RUFY2: variants seen among roughly 807,000 people sequenced by gnomAD.
RUFY2 encodes the protein RUN and FYVE domain-containing protein 2.
In RUFY2, 49 loss-of-function variants were observed where a neutral mutation model predicts 94.4. The observed-to-expected ratio is 0.52, with a 90% CI of 0.41 to 0.66. The LOEUF is 0.66. Among genes scored for constraint, RUFY2 ranks in the 30% least tolerant of loss-of-function variants. The probability of loss-of-function intolerance (pLI) is 0.00; values close to 1 mark genes in which losing one functional copy is unlikely to be tolerated. For synonymous variants in RUFY2, 255 were observed against 235.7 expected (o/e 1.08, Z -0.75); for missense variants, 541 against 692.8 (o/e 0.78, Z 2.46).
intron 15 of RUFY2, among the ~76,000 whole-genome samples, chr10:68,358,716 G>A (rs544135150): frequency 6.6e-6 from 1 of 152,216 alleles, no homozygotes; most frequent in Admixed American, 6.5e-5. Context: ...TTCGAGACCA[G>A]CCTAGCCAAC....
At chr10:68,358,124 G>T (rs2047184215) in intron 15 of RUFY2, among the ~76,000 whole-genome samples, 1 of 152,144 alleles carries the variant, frequency 6.6e-6, no homozygotes, top group Non-Finnish European at 1.5e-5. Context: ...GAAGGCATAG[G>T]TTGCAATGAG....
intron 7 of RUFY2, among the ~76,000 whole-genome samples, chr10:68,392,234 T>C (rs1008138935): frequency 2.6e-5 from 4 of 151,986 alleles, no homozygotes; most frequent in African/African-American, 4.8e-5. Flanking sequence ...GGTTTCACCA[T>C]ACTGGGCAGG....
At position 68,379,463 on chromosome 10, in the gene RUFY2, G is replaced by A. The variant is rs1389286686; in HGVS notation, c.1166C>T (p.Thr389Ile). ...NEIIARLEEKTNKITAAMRQL... is the reference protein window; with the variant it reads ...NEIIARLEEKINKITAAMRQL... ...CCTCATGGCTGCAGTAATTTTATTG[G>A]TTTTTTCTTCTAGTCGGGCAATTAT... The change falls in exon 12 of 18, where the codon ACC (threonine) becomes ATC (isoleucine). Residue 389 changes from threonine (T) to isoleucine (I), a missense_variant. Around this residue, in one of 3 missense-constraint regions of RUFY2, gnomAD observed 403 missense variants for 480.7 expected, o/e 0.84. Coordinates refer to ENST00000602465, the MANE Select transcript of RUFY2 (RefSeq NM_001330103.2). The A allele has an allele frequency of 6.2e-7, 1 of 1,612,400 alleles. No individual in the cohort carries two copies. The highest frequency in any genetic ancestry group is 1.3e-5 in the African/African-American group (1 of 74,818).
intron 13 of RUFY2, 141 bp downstream of exon 13, chr10:68,376,712 T>A (rs993819427): frequency 1.4e-6 from 1 of 705,616 alleles, no homozygotes; most frequent in Non-Finnish European, 2.4e-6. Flanking sequence ...ATTTTCTAAA[T>A]TTTTTTGTTT....
intron 4 of RUFY2, among the ~76,000 whole-genome samples, chr10:68,394,871 C>T (rs1043736956): frequency 7.9e-5 from 12 of 151,752 alleles, no homozygotes; most frequent in African/African-American, 9.7e-5. Flanking sequence ...CCTCATGGTC[C>T]GCGGGCCTCA....
In RUFY2 at chr10:68,355,376, T is replaced by C; in HGVS notation, c.1576A>G (p.Lys526Glu). The C allele has an allele frequency of 1.2e-6, 2 of 1,611,774 alleles. No homozygotes were observed. ...SESKLKIEDI[K>E]EANKALQGLV... is the part of the protein sequence containing the mutation. Reference sequence around the variant, plus strand: ...ACCTGCAATGCTTTGTTGGCTTCTTTTATGTCTTCAATTTTAAGTTTTGAT... The same window carrying C: ...ACCTGCAATGCTTTGTTGGCTTCTTCTATGTCTTCAATTTTAAGTTTTGAT... The change falls in exon 16 of 18, where the codon AAA becomes GAA. Residue 526 changes from lysine (K) to glutamate (E), a missense_variant. This residue lies in a region of RUFY2 where 403 missense variants were observed against 480.7 expected (regional missense o/e 0.84). Transcript: ENST00000602465.
Position 68,345,631 on chromosome 10 carries a change from G to T in RUFY2, c.*137C>A. On this transcript the variant is annotated 3_prime_UTR_variant, in exon 18 of 18. Coordinates refer to ENST00000602465, the MANE Select transcript of RUFY2 (RefSeq NM_001330103.2). ...AATATATAACTTGTAATTTCCATGA[G>T]CTGAATATGTAGAAGATAAACTGGT... 1.5e-6 allele frequency: 1 copy of T among 665,332 alleles called. No homozygotes were observed. The highest frequency in any genetic ancestry group is 2.5e-6 in the Non-Finnish European group (1 of 395,660). 41.2% of individuals were successfully genotyped at this position (665,332 alleles called of 1,614,324 possible). A position where few individuals can be genotyped will look rare whatever the true frequency, so the allele number is the denominator to read the frequency against.
At chr10:68,405,829 AC>A in intron 1 of RUFY2, 1 of 398,924 alleles carries the variant, frequency 2.5e-6, no homozygotes, top group Non-Finnish European at 3.4e-6. Context: ...ACCCATCCAC[AC>A]AGTTGAGGAT....
intron 15 of RUFY2, 100 bp from the exon 16 acceptor site, chr10:68,355,501 A>C (rs2046982726): frequency 1.5e-6 from 1 of 674,868 alleles, no homozygotes; most frequent in Non-Finnish European, 2.5e-6. Context: ...ATATAAAATT[A>C]TGTATAGTAT....
intron 13 of RUFY2, 40 bp downstream of exon 13, chr10:68,376,813 T>C (rs1413889665): frequency 1.3e-6 from 2 of 1,584,590 alleles, no homozygotes; most frequent in Non-Finnish European, 1.7e-6. Context: ...GAGGGGGTTA[T>C]GTTAACACAA....
chr10:68,380,103 C>T (rs944269615), intron 11 of RUFY2, among the ~76,000 whole-genome samples: 17 of 149,172 alleles, frequency 1.1e-4, no homozygotes, highest in Admixed American at 5.5e-4. Flanking sequence ...CCACCGCACA[C>T]GGCCCTTTTT....
chr10:68,366,051 G>C (rs983221174), intron 13 of RUFY2, among the ~76,000 whole-genome samples: 14 of 152,166 alleles, frequency 9.2e-5, no homozygotes, highest in Admixed American at 8.5e-4. Context: ...GATGTACTAA[G>C]TTTGGTGGCT....
intron 7 of RUFY2, among the ~76,000 whole-genome samples, chr10:68,388,043 C>G (rs2049654436): frequency 1.3e-5 from 2 of 152,202 alleles, no homozygotes; most frequent in South Asian, 4.1e-4. Context: ...GCAAAACCTT[C>G]CTGAGCTTCA....
At chr10:68,386,503 C>T (rs529940056) in intron 7 of RUFY2, among the ~76,000 whole-genome samples, 1 of 152,224 alleles carries the variant, frequency 6.6e-6, no homozygotes, top group Admixed American at 6.6e-5. Flanking sequence ...GCGTGCGCCA[C>T]CATGCCCGGC....
intron 7 of RUFY2, among the ~76,000 whole-genome samples, chr10:68,388,477 C>CT (rs201024620): frequency 0.015 from 2,274 of 152,108 alleles, 65 homozygotes; most frequent in Non-Finnish European, 0.016. Flanking sequence ...GTGAATTCTA[C>CT]TTTTTTTCTA....
intron 13 of RUFY2, among the ~76,000 whole-genome samples, chr10:68,365,065 AAT>A (rs1464479041): frequency 2.0e-5 from 3 of 152,138 alleles, no homozygotes; most frequent in African/African-American, 7.2e-5. Context: ...ACATTATTTT[AAT>A]ATGTTTGTGT....
chr10:68,350,916 G>A (rs1160065878), intron 16 of RUFY2, among the ~76,000 whole-genome samples: 1 of 151,630 alleles, frequency 6.6e-6, no homozygotes, highest in East Asian at 1.9e-4. Context: ...TCTCCATGTT[G>A]GTCAGGCTGG....
In RUFY2 at chr10:68,376,794, CA is replaced by C. The variant is rs1291569415; in HGVS notation, c.1325+58del. 1.3e-5 allele frequency: 20 copies of C among 1,496,320 alleles called. No individual in the cohort carries two copies. In the Admixed American group the frequency reaches 1.6e-4, roughly 12 times the overall value. The allele number at this position is 1,496,320 out of a possible 1,614,324, so 92.7% of individuals were successfully genotyped here. ...AATATTGGTATTCTATCATTATGTG[CA>C]AAAAAATGAGGGGGTTATGTTAACA... On this transcript the variant is annotated intron_variant, in intron 13 of 17. Coordinates refer to ENST00000602465, the MANE Select transcript of RUFY2 (RefSeq NM_001330103.2).
At chr10:68,383,293 C>A (rs2049223825) in intron 10 of RUFY2, among the ~76,000 whole-genome samples, 1 of 151,882 alleles carries the variant, frequency 6.6e-6, no homozygotes, top group South Asian at 2.1e-4. Flanking sequence ...CCACTGCACT[C>A]CAGCCTGAGT....
Sources: allele counts gnomAD v4.1 joint callset (sites outside exome capture counted in the v4.1 genomes callset), GRCh38; gene constraint gnomAD v4.1.1; regional missense constraint gnomAD v4.1.1; transcripts MANE v1.5; gene names NCBI Gene and HGNC (gene_info 2026-07-23, HGNC 2026-07-21).